GOLM1: variants seen among roughly 807,000 people sequenced by gnomAD.
GOLM1 encodes epididymis luminal protein 46.
A neutral mutation model predicts 50.5 loss-of-function variants in GOLM1; 31 were observed. The observed-to-expected ratio is 0.61, with a 90% confidence interval of 0.46 to 0.83. The LOEUF (loss-of-function observed/expected upper bound fraction) is 0.83, where lower values mean the gene tolerates loss of function less well. GOLM1 is among the 40% of genes least tolerant of loss of function. GOLM1 has a pLI of 0.00. For missense variants in GOLM1, 491 were observed against 501.3 expected, an observed-to-expected ratio of 0.98 and a Z score of 0.20; for synonymous variants, 178 against 192.8, an observed-to-expected ratio of 0.92 and a Z score of 0.64.
intron 3 of GOLM1, among the ~76,000 whole-genome samples, chr9:86,074,074 A>G (rs558074057): frequency 4.6e-5 from 7 of 152,104 alleles, no homozygotes; most frequent in Non-Finnish European, 8.8e-5. Flanking sequence ...TGGCAGAGAC[A>G]GGCAGGGAAA....
chr9:86,079,675 TACTC>T (rs1355822969), intron 1 of GOLM1: 2 of 208,402 alleles, frequency 9.6e-6, no homozygotes, highest in Non-Finnish European at 1.9e-5. Context: ...ATCATTACCA[TACTC>T]ACCTTCCCGG....
intron 9 of GOLM1, among the ~76,000 whole-genome samples, chr9:86,032,801 T>A (rs539027963): frequency 1.3e-5 from 2 of 152,352 alleles, no homozygotes; most frequent in South Asian, 4.1e-4. Flanking sequence ...TTCATCAGCC[T>A]GAATCCACCA....
chr9:86,040,557 G>A (rs1028118623), intron 6 of GOLM1, among the ~76,000 whole-genome samples, 182 bp downstream of exon 6: 13 of 152,174 alleles, frequency 8.5e-5, no homozygotes, highest in Admixed American at 8.5e-4. Context: ...CGGGGCTGGA[G>A]GTCAGAACCC....
rs755869849 is a variant in GOLM1, at chr9:86,027,835, C to T, written c.1188G>A (p.Lys396=). 2.5e-6 allele frequency: 4 copies of T among 1,613,374 alleles called. No homozygotes were observed. The highest frequency in any genetic ancestry group is 1.7e-4 in the Middle Eastern group (1 of 6,060). ...DTINLLDQRE[K]RNHTL The stretch of plus-strand genomic sequence containing the variant: ...GTTCAATTCAGAGTGTATGATTCCG[C>T]TTTTCACGCTGATCAAGTAAATTTA... The change falls in exon 10 of 10, where the codon AAG becomes AAA. Residue 396 remains lysine, a synonymous_variant. Coordinates refer to ENST00000388712, the MANE Select transcript of GOLM1 (RefSeq NM_016548.4).
chr9:86,060,293 G>A (rs917266366), intron 3 of GOLM1, among the ~76,000 whole-genome samples: 29 of 152,126 alleles, frequency 1.9e-4, no homozygotes, highest in African/African-American at 7.0e-4. Flanking sequence ...GGGAGACAGA[G>A]AAGGGGAGGG....
intron 1 of GOLM1, among the ~76,000 whole-genome samples, chr9:86,086,605 A>G (rs998560102): frequency 6.6e-6 from 1 of 152,172 alleles, no homozygotes; most frequent in Admixed American, 6.5e-5. Context: ...TTAAGTCTTT[A>G]ATCCATCTTG....
At chr9:86,052,681 C>G in intron 3 of GOLM1, 90 bp from the exon 4 acceptor site, 1 of 1,058,890 alleles carries the variant, frequency 9.4e-7, no homozygotes, top group Non-Finnish European at 1.5e-6. Context: ...GGGGCCTGTC[C>G]CCAACCCAGC....
chr9:86,027,910 C>T lies in GOLM1; in HGVS notation c.1130-17G>A, dbSNP rs773398899. The T allele has an allele frequency of 7.0e-7, 1 of 1,433,414 alleles. No individual in the cohort carries two copies. Among genetic ancestry groups the T allele is most frequent in the East Asian group, 2.3e-5 (1 of 44,000 alleles). 88.8% of individuals were successfully genotyped at this position (1,433,414 alleles called of 1,614,324 possible). Reference sequence around the variant, plus strand: ...CATTAAAAACTAAAAAGGAAAAACACATAATATTCTATAGAGTATTAAATG... The same window carrying T: ...CATTAAAAACTAAAAAGGAAAAACATATAATATTCTATAGAGTATTAAATG... On this transcript the variant is annotated splice_polypyrimidine_tract_variant and intron_variant, in intron 9 of 9. Coordinates refer to ENST00000388712, the MANE Select transcript of GOLM1 (RefSeq NM_016548.4).
intron 3 of GOLM1, among the ~76,000 whole-genome samples, chr9:86,069,817 A>G (rs1385983282): frequency 6.6e-6 from 1 of 152,170 alleles, no homozygotes; most frequent in Non-Finnish European, 1.5e-5. Flanking sequence ...TAATCCTCTG[A>G]CTGCACTGAA....
At chr9:86,031,925 CAAAAAAAAAAAAA>C (rs1043805404) in intron 9 of GOLM1, among the ~76,000 whole-genome samples, 1 of 36,054 alleles carries the variant, frequency 2.8e-5, no homozygotes, top group Non-Finnish European at 5.7e-5. Context: ...GACTCCATCT[CAAAAAAAAAAAAA>C]AAAAAAAAAA....
chr9:86,047,518 G>T (rs977588459), intron 4 of GOLM1, among the ~76,000 whole-genome samples: 12 of 152,288 alleles, frequency 7.9e-5, no homozygotes, highest in African/African-American at 2.9e-4. Flanking sequence ...GGTGGGTGCT[G>T]GGCCTAGACA....
rs374329543 is a variant in GOLM1 at position 86,032,270 on chromosome 9, C to T, written c.1129+1012G>A. Among the ~76,000 whole-genome samples the T allele has an allele frequency of 1.3e-3, 191 of 152,152 alleles. 4 individuals carry two copies. The South Asian group carries it at 0.032, about 26-fold the overall frequency. ...GCAACCTCTGCCTCCCGGGTTCAAGCGATTCTCTTGCCTCAGCCTCCCGAG... is the reference window on the plus strand; with the variant it reads ...GCAACCTCTGCCTCCCGGGTTCAAGTGATTCTCTTGCCTCAGCCTCCCGAG... On this transcript the variant is annotated intron_variant, in intron 9 of 9. Transcript: ENST00000388712.
intron 3 of GOLM1, among the ~76,000 whole-genome samples, chr9:86,073,596 C>G (rs993376610): frequency 2.0e-5 from 3 of 152,106 alleles, no homozygotes; most frequent in Admixed American, 6.6e-5. Context: ...CACACTGCTC[C>G]CGAACCTTAC....
chr9:86,089,079 A>G (rs1019529822), intron 1 of GOLM1, among the ~76,000 whole-genome samples: 1 of 152,202 alleles, frequency 6.6e-6, no homozygotes, highest in Non-Finnish European at 1.5e-5. Context: ...AATGTTGAAT[A>G]TTAGCCCCCA....
At chr9:86,064,633 C>G (rs1834254173) in intron 3 of GOLM1, among the ~76,000 whole-genome samples, 1 of 152,178 alleles carries the variant, frequency 6.6e-6, no homozygotes, top group South Asian at 2.1e-4. Flanking sequence ...AGCTTAAACC[C>G]TATGACGGCT....
chr9:86,029,357 C>G (rs143915549), intron 9 of GOLM1, among the ~76,000 whole-genome samples: 4 of 152,290 alleles, frequency 2.6e-5, no homozygotes, highest in Non-Finnish European at 5.9e-5. Flanking sequence ...TCCCTTGCTA[C>G]TGCACTTCTA....
intron 1 of GOLM1, among the ~76,000 whole-genome samples, chr9:86,087,568 G>A (rs1163851344): frequency 2.0e-5 from 3 of 152,142 alleles, no homozygotes; most frequent in Admixed American, 2.0e-4. Flanking sequence ...TATGATACTG[G>A]CTGTGGGTTT....
intron 3 of GOLM1, among the ~76,000 whole-genome samples, chr9:86,064,868 C>T (rs1834263114): frequency 6.6e-6 from 1 of 152,222 alleles, no homozygotes; most frequent in African/African-American, 2.4e-5. Context: ...ACGCCTTTTG[C>T]TGTGCTTTCC....
intron 3 of GOLM1, among the ~76,000 whole-genome samples, chr9:86,063,029 A>T (rs4493982): frequency 0.33 from 50,506 of 152,008 alleles, 10,277 homozygotes; most frequent in African/African-American, 0.56. Flanking sequence ...GCACCACCCA[A>T]GCTGCCCCTC....
Sources: gnomAD v4.1 joint callset for allele counts (sites outside exome capture counted in the v4.1 genomes callset) on GRCh38, gnomAD v4.1.1 for gene constraint, MANE v1.5 for transcripts, NCBI Gene and HGNC (gene_info 2026-07-23, HGNC 2026-07-21) for gene names.